The following CNTNAP4 variants were observed in gnomAD, a reference collection of about 807,000 sequenced individuals.
CNTNAP4 encodes the protein contactin associated protein family member 4.
CNTNAP4 carries 98 observed loss-of-function variants against 148.4 expected under a neutral mutation model. The observed-to-expected ratio is 0.66, with a 90% CI of 0.56 to 0.78. The LOEUF is 0.78. Ranked by LOEUF, CNTNAP4 falls within the 30% of genes least tolerant of loss-of-function variation. The pLI is 0.00. For synonymous variants in CNTNAP4, 730 were observed against 565.1 expected (o/e 1.29, Z -4.14); for missense variants, 1,935 against 1,565.6 (o/e 1.24, Z -3.98).
chr16:76,469,739 ATAGT>A (rs764815925), intron 10 of CNTNAP4: 1 of 152,244 alleles, frequency 6.6e-6, no homozygotes, highest in Non-Finnish European at 1.5e-5. Flanking sequence ...CTTTTCAGAA[ATAGT>A]TAGCAAATTA....
chr16:76,378,755 G>A (rs2015681675), intron 3 of CNTNAP4, among the ~76,000 whole-genome samples: 1 of 152,160 alleles, frequency 6.6e-6, no homozygotes, highest in Non-Finnish European at 1.5e-5. Flanking sequence ...GCTTTTGAGG[G>A]ATGTTGTGCT....
chr16:76,310,751 A>T (rs1961009810), intron 1 of CNTNAP4, among the ~76,000 whole-genome samples: 1 of 152,108 alleles, frequency 6.6e-6, no homozygotes, highest in East Asian at 1.9e-4. Flanking sequence ...TGAGAAGATG[A>T]CTACTCAGTG....
chr16:76,548,030 A>T (rs2084807160), intron 21 of CNTNAP4, among the ~76,000 whole-genome samples: 2 of 152,254 alleles, frequency 1.3e-5, no homozygotes, highest in Admixed American at 1.3e-4. Context: ...AGCAAAAGGG[A>T]AATACCTGCC....
intron 15 of CNTNAP4, among the ~76,000 whole-genome samples, chr16:76,516,648 G>T (rs372491493): frequency 2.6e-5 from 4 of 152,236 alleles, no homozygotes; most frequent in Non-Finnish European, 4.4e-5. Context: ...TGAAAGCTAC[G>T]TAGGTGTCCT....
chr16:76,519,728 G>A (rs2083387407), intron 15 of CNTNAP4, among the ~76,000 whole-genome samples: 1 of 152,186 alleles, frequency 6.6e-6, no homozygotes, highest in African/African-American at 2.4e-5. Context: ...TAGGCTTGAT[G>A]TGACTCTGAT....
intron 14 of CNTNAP4, among the ~76,000 whole-genome samples, chr16:76,496,771 T>C (rs73621101): frequency 0.033 from 5,012 of 152,284 alleles, 274 homozygotes; most frequent in African/African-American, 0.11. Context: ...CAGCATGTTA[T>C]AACATTTACT....
intron 15 of CNTNAP4, among the ~76,000 whole-genome samples, chr16:76,511,626 T>G (rs1478307994): frequency 6.6e-6 from 1 of 152,196 alleles, no homozygotes; most frequent in Non-Finnish European, 1.5e-5. Context: ...ACATTTTTAT[T>G]TTAACTTTTA....
rs1597056479 is a variant in CNTNAP4 at position 76,277,700 on chromosome 16, T to G, written c.38T>G (p.Leu13Arg). The part of the protein sequence containing the change: ...SVTGAVLKTL[L>R]LLSTQNWNRV... The stretch of plus-strand genomic sequence containing the variant: ...ACGGGAGCTGTCCTCAAGACGCTAC[T>G]TCTGTTATCTACTCAAAATTGGAAC... The change falls in exon 1 of 24, where the codon CTT becomes CGT. Residue 13 changes from leucine to arginine, a missense_variant. Transcript: ENST00000611870. The G allele has an allele frequency of 6.2e-7, 1 of 1,606,146 alleles. No individual in the cohort carries two copies. Among genetic ancestry groups the G allele is most frequent in the Admixed American group, 1.7e-5 (1 of 59,136 alleles).
chr16:76,423,001 G>C (rs2079244699), intron 3 of CNTNAP4, among the ~76,000 whole-genome samples: 1 of 152,036 alleles, frequency 6.6e-6, no homozygotes, highest in Non-Finnish European at 1.5e-5. Flanking sequence ...AATGTAATTA[G>C]TTTCCTTATA....
intron 10 of CNTNAP4, among the ~76,000 whole-genome samples, chr16:76,471,261 C>T (rs560540853): frequency 6.6e-6 from 1 of 152,278 alleles, no homozygotes; most frequent in South Asian, 2.1e-4. Flanking sequence ...GTCCTCACAT[C>T]TGGGGCTGAA....
intron 18 of CNTNAP4, 31 bp from the exon 19 acceptor site, chr16:76,538,085 T>TTAACAAAAATATATA: frequency 9.7e-7 from 1 of 1,026,506 alleles, no homozygotes; most frequent in Non-Finnish European, 1.3e-6. Flanking sequence ...CTTAAAATTT[T>TTAACAAAAATATATA]TAACAAAAAT....
intron 14 of CNTNAP4, among the ~76,000 whole-genome samples, chr16:76,497,633 G>A (rs1021673584): frequency 5.3e-5 from 8 of 151,340 alleles, no homozygotes; most frequent in Admixed American, 2.6e-4. Flanking sequence ...CTCATAAGGG[G>A]GAGTTGAACA....
At chr16:76,535,504 C>T (rs1259192370) in intron 17 of CNTNAP4, 41 bp from the exon 18 acceptor site, 4 of 1,602,780 alleles carry the variant, frequency 2.5e-6, no homozygotes, top group African/African-American at 2.7e-5. Flanking sequence ...CTGAATAAAA[C>T]ACCTAGGAAC....
chr16:76,448,986 A>G (rs375502420), intron 6 of CNTNAP4, 35 bp downstream of exon 6: 27 of 1,573,740 alleles, frequency 1.7e-5, no homozygotes, highest in Non-Finnish European at 2.3e-5. Context: ...TGCTGATTTT[A>G]TTATGTATAT....
At chr16:76,448,488 G>A (rs2080333267) in intron 5 of CNTNAP4, among the ~76,000 whole-genome samples, 1 of 151,940 alleles carries the variant, frequency 6.6e-6, no homozygotes, top group Non-Finnish European at 1.5e-5. Flanking sequence ...AAAATGTTGA[G>A]GTAGTAAAAA....
intron 3 of CNTNAP4, 72 bp downstream of exon 3, chr16:76,355,583 C>A: frequency 8.8e-7 from 1 of 1,138,582 alleles, no homozygotes; most frequent in South Asian, 2.7e-5. Context: ...GTTTACCAAT[C>A]TCTTAAATTA....
In CNTNAP4 at chr16:76,538,135, A is replaced by G. The variant is rs1241929239; in HGVS notation, c.3015A>G (p.Gly1005=). 2.0e-6 allele frequency: 3 copies of G among 1,505,782 alleles called. No homozygotes were observed. In the African/African-American group the frequency reaches 4.2e-5, roughly 21 times the overall value. The allele number at this position is 1,505,782 out of a possible 1,614,324, so 93.3% of individuals were successfully genotyped here. The change falls in exon 19 of 24, where the codon GGA becomes GGG. Residue 1005 remains glycine, a synonymous_variant. Coordinates refer to ENST00000611870, the MANE Select transcript of CNTNAP4 (RefSeq NM_033401.5). ...TTTCAGAGATTTCTGCATATTTTGGATCTGGCTCATCCGTGATATACAATT... is the reference window on the plus strand; with the variant it reads ...TTTCAGAGATTTCTGCATATTTTGGGTCTGGCTCATCCGTGATATACAATT... ...FCSNEISAYF[G]SGSSVIYNFQ...
rs984592375 is a variant in CNTNAP4, at chr16:76,538,453, T to C, written c.3220+113T>C. 17 of 766,074 alleles carry C rather than the reference T, an allele frequency of 2.2e-5. No homozygotes were observed. The Admixed American group carries it at 5.0e-4, about 23-fold the overall frequency. 47.5% of individuals were successfully genotyped at this position (766,074 alleles called of 1,614,324 possible). On this transcript the variant is annotated intron_variant, in intron 19 of 23. Transcript: ENST00000611870. ...AAGCTACAAACAGAAAAATGGAGTG[T>C]GCCTGTTTTTTGTAGTCATATTTTT...
chr16:76,421,824 T>A (rs532908212), intron 3 of CNTNAP4, among the ~76,000 whole-genome samples: 20 of 152,290 alleles, frequency 1.3e-4, no homozygotes, highest in East Asian at 5.8e-4. Context: ...TTTGTTGAAC[T>A]TCTACTGGTG....
Sources: allele counts gnomAD v4.1 joint callset (sites outside exome capture counted in the v4.1 genomes callset), GRCh38; gene constraint gnomAD v4.1.1; transcripts MANE v1.5; gene names NCBI Gene and HGNC (gene_info 2026-07-23, HGNC 2026-07-21).